The following ALPK2 variants were observed in gnomAD, a reference collection of about 807,000 sequenced individuals.
ALPK2 encodes alpha kinase 2.
Under a neutral mutation model 163.1 loss-of-function variants are expected in ALPK2, and 127 were observed. The ratio of observed to expected loss-of-function variants is 0.78; its 90% CI spans 0.67 to 0.90. ALPK2 has a LOEUF of 0.90. Ranked by LOEUF, ALPK2 falls within the 40% of genes least tolerant of loss-of-function variation. ALPK2 has a pLI of 0.00. For missense variants in ALPK2, 2,360 were observed against 2,589.6 expected (o/e 0.91, Z 1.92); for synonymous variants, 953 against 959.1 (o/e 0.99, Z 0.12).
intron 1 of ALPK2, among the ~76,000 whole-genome samples, chr18:58,623,437 G>T (rs927107068): frequency 6.6e-6 from 1 of 152,032 alleles, no homozygotes; most frequent in Non-Finnish European, 1.5e-5. Context: ...GGGCCGTAGG[G>T]TGCAGTACTG....
intron 12 of ALPK2, among the ~76,000 whole-genome samples, chr18:58,482,688 G>T (rs1359185563): frequency 6.6e-6 from 1 of 152,116 alleles, no homozygotes; most frequent in Non-Finnish European, 1.5e-5. Context: ...GCCCTAAAAG[G>T]CTCCATGCTG....
Position 58,537,575 on chromosome 18 carries a change from G to A in ALPK2, c.2612C>T (p.Thr871Ile). 1 of 1,614,028 alleles carries A rather than the reference G, an allele frequency of 6.2e-7. No individual in the cohort carries two copies. ...GCTGCTTTTGCACGTAGACACTGAA[G>A]TCTCAGACACTTGTGTCTGAAAAAA... ...EVFFQTQVSE[T>I]SVSTCKSSKD... is the part of the protein sequence containing the mutation. The change falls in exon 5 of 13, where the codon ACT becomes ATT. Residue 871 changes from threonine (T) to isoleucine (I), a missense_variant. Thr to Ile is a moderately conservative substitution (Grantham distance 89). Transcript: ENST00000361673.
At position 58,536,740 on chromosome 18, in the gene ALPK2, A is replaced by G. The variant is rs189513845; in HGVS notation, c.3447T>C (p.Ser1149=). The G allele has an allele frequency of 1.9e-6, 3 of 1,614,106 alleles. No individual in the cohort carries two copies. In the African/African-American group the frequency reaches 4.0e-5, roughly 22 times the overall value. ...GCAAACTTTGTTGGAAATCAGGTGCAGAAAGAGAACCCTGCTGGGACAGGC... is the reference window on the plus strand; with the variant it reads ...GCAAACTTTGTTGGAAATCAGGTGCGGAAAGAGAACCCTGCTGGGACAGGC... ...QQSLSQQGSL[S]APDFQQSLPT... is the part of the protein sequence containing the mutation. Residue 1149 remains serine (S), a synonymous_variant, in exon 5 of 13, where the codon TCT becomes TCC. Transcript: ENST00000361673.
At position 58,485,919 on chromosome 18, in the gene ALPK2, G is replaced by A. The variant is rs73443175; in HGVS notation, c.6297-3880C>T. 6.6e-3 allele frequency among the ~76,000 whole-genome samples: 1,004 copies of A among 152,126 alleles called. 17 individuals carry two copies. Among genetic ancestry groups the A allele is most frequent in the African/African-American group, 0.023 (966 of 41,520 alleles). On this transcript the variant is annotated intron_variant, in intron 12 of 12. Transcript: ENST00000361673. ...CGGTCATTTGCATCAGGACTGCCTC[G>A]AGGCTTTTCAAATTCAGACAACATC...
At chr18:58,556,348 AAGCT>A (rs2051791109) in intron 4 of ALPK2, among the ~76,000 whole-genome samples, 1 of 152,210 alleles carries the variant, frequency 6.6e-6, no homozygotes, top group African/African-American at 2.4e-5. Flanking sequence ...GGAATTAGGG[AAGCT>A]ATTTAACCTC....
chr18:58,499,545 C>G lies in ALPK2; in HGVS notation c.6248-1448G>C, dbSNP rs373949380. ...GAATCTGCATGCCCTGACCACGCAC[C>G]AATTCCATTCCTGTCTCCTTAGGGT... is the stretch of plus-strand genomic sequence containing the variant. On this transcript the variant is annotated intron_variant, in intron 11 of 12. Transcript: ENST00000361673. 7.2e-5 allele frequency among the ~76,000 whole-genome samples: 11 copies of G among 152,332 alleles called. No homozygotes were observed. The South Asian group carries it at 2.3e-3, about 32-fold the overall frequency.
At chr18:58,598,734 G>A (rs892499651) in intron 3 of ALPK2, among the ~76,000 whole-genome samples, 1 of 152,146 alleles carries the variant, frequency 6.6e-6, no homozygotes, top group African/African-American at 2.4e-5. Context: ...TTACCTTAGA[G>A]GGAGTTGGTC....
chr18:58,613,740 A>T (rs1223964522), intron 1 of ALPK2, among the ~76,000 whole-genome samples: 2 of 146,790 alleles, frequency 1.4e-5, no homozygotes, highest in Non-Finnish European at 3.0e-5. Context: ...AATAATAATA[A>T]TAATAAAATA....
At chr18:58,500,823 G>GT (rs2051428206) in intron 11 of ALPK2, among the ~76,000 whole-genome samples, 1 of 151,608 alleles carries the variant, frequency 6.6e-6, no homozygotes, top group Non-Finnish European at 1.5e-5. Flanking sequence ...AAGGTCTTGA[G>GT]TTTTTTGGGT....
At chr18:58,517,339 C>T (rs985547659) in intron 8 of ALPK2, among the ~76,000 whole-genome samples, 157 bp from the exon 9 acceptor site, 1 of 152,054 alleles carries the variant, frequency 6.6e-6, no homozygotes, top group Non-Finnish European at 1.5e-5. Flanking sequence ...AGAGGCATAG[C>T]TAAAAGAAGA....
At chr18:58,504,174 A>G in intron 10 of ALPK2, 26 bp from the exon 11 acceptor site, 1 of 1,588,294 alleles carries the variant, frequency 6.3e-7, no homozygotes, top group Non-Finnish European at 8.6e-7. Flanking sequence ...ACACAGGCGC[A>G]CATCAAGGTC....
At chr18:58,583,164 C>G (rs1047525238) in intron 3 of ALPK2, among the ~76,000 whole-genome samples, 1 of 152,080 alleles carries the variant, frequency 6.6e-6, no homozygotes, top group African/African-American at 2.4e-5. Flanking sequence ...GTCAAATACT[C>G]TGATTTTCTT....
At chr18:58,488,961 A>G (rs577091774) in intron 12 of ALPK2, among the ~76,000 whole-genome samples, 5 of 152,296 alleles carry the variant, frequency 3.3e-5, no homozygotes, top group African/African-American at 9.6e-5. Context: ...TTCATTGATC[A>G]GGTATCAGCT....
At chr18:58,505,932 T>C (rs1055829470) in intron 10 of ALPK2, among the ~76,000 whole-genome samples, 11 of 152,178 alleles carry the variant, frequency 7.2e-5, no homozygotes, top group African/African-American at 1.4e-4. Context: ...CTTCACTGGC[T>C]ACCTCTTCTC....
intron 10 of ALPK2, among the ~76,000 whole-genome samples, chr18:58,510,206 G>T (rs183211049): frequency 6.6e-6 from 1 of 152,116 alleles, no homozygotes; most frequent in Non-Finnish European, 1.5e-5. Context: ...GATACGTGGC[G>T]TTATTTCTGA....
chr18:58,565,195 A>G (rs1386693086), intron 4 of ALPK2, among the ~76,000 whole-genome samples: 3 of 152,218 alleles, frequency 2.0e-5, no homozygotes, highest in Non-Finnish European at 4.4e-5. Context: ...GTTTCCTTAG[A>G]AATAATTCTA....
chr18:58,496,992 A>G (rs1053306975), intron 12 of ALPK2, among the ~76,000 whole-genome samples: 4 of 152,180 alleles, frequency 2.6e-5, no homozygotes, highest in African/African-American at 9.7e-5. Flanking sequence ...GAAAATGTCA[A>G]ATTAGCCAAT....
intron 4 of ALPK2, among the ~76,000 whole-genome samples, chr18:58,570,102 C>T (rs2051877907): frequency 6.9e-6 from 1 of 144,940 alleles, no homozygotes; most frequent in Non-Finnish European, 1.5e-5. Context: ...TGCACTCCAG[C>T]CTGGGTGACA....
chr18:58,512,008 T>G (rs1203992375), intron 10 of ALPK2: 1 of 152,226 alleles, frequency 6.6e-6, no homozygotes, highest in African/African-American at 2.4e-5. Flanking sequence ...TAAAGAAATT[T>G]CAAATTTCAG....
Sources: gnomAD v4.1 joint callset for allele counts (sites outside exome capture counted in the v4.1 genomes callset) on GRCh38, gnomAD v4.1.1 for gene constraint, MANE v1.5 for transcripts, NCBI Gene and HGNC (gene_info 2026-07-23, HGNC 2026-07-21) for gene names.